FKBP4: variants seen among roughly 807,000 people sequenced by gnomAD.
FKBP4 encodes the protein FKBP prolyl isomerase 4.
Under a neutral mutation model 54.1 loss-of-function variants are expected in FKBP4, and 28 were observed. The ratio of observed to expected loss-of-function variants is 0.52; its 90% CI spans 0.38 to 0.71. The LOEUF (loss-of-function observed/expected upper bound fraction) is 0.71. Ranked by LOEUF, FKBP4 falls within the 30% of genes least tolerant of loss-of-function variation. The pLI is 0.00. For synonymous variants in FKBP4, 223 were observed against 216.1 expected, an observed-to-expected ratio of 1.03 and a Z score of -0.28; for missense variants, 493 against 574.4, an observed-to-expected ratio of 0.86 and a Z score of 1.45.
At chr12:2,803,114 G>A in intron 9 of FKBP4, 37 bp from the exon 10 acceptor site, 1 of 1,425,738 alleles carries the variant, frequency 7.0e-7, no homozygotes, top group African/African-American at 1.4e-5. Context: ...TTTTTCACTT[G>A]GGAAGTCAGC....
Position 2,798,783 on chromosome 12 carries a change from C to T in FKBP4, c.471C>T (p.Arg157=), listed in dbSNP as rs776356873. 8.7e-6 allele frequency: 14 copies of T among 1,614,124 alleles called. No individual in the cohort carries two copies. In the Admixed American group the frequency reaches 1.0e-4, roughly 12 times the overall value. ...DGGIIRRIQT[R]GEGYAKPNEG... ...GAATCATTCGCAGAATACAGACTCG[C>T]GGTGAAGGCTATGCTAAGCCCAATG... The change falls in exon 4 of 10, where the codon CGC becomes CGT. Residue 157 remains arginine, a synonymous_variant. Transcript: ENST00000001008. The surrounding 1 kb of genome is among the most constrained non-coding windows in gnomAD (Gnocchi z 4.3).
chr12:2,798,962 T>C lies in FKBP4; in HGVS notation c.515-126T>C. 1 of 1,392,240 alleles carries C rather than the reference T, an allele frequency of 7.2e-7. No homozygotes were observed. 86.2% of individuals were successfully genotyped at this position (1,392,240 alleles called of 1,614,324 possible). A position where few individuals can be genotyped will look rare whatever the true frequency, so the allele number is the denominator to read the frequency against. The stretch of plus-strand genomic sequence containing the variant: ...GGGGTTGGACCATATTCTCTTCATA[T>C]CACTCCAGATTTGAGAACACAGGAG... On this transcript the variant is annotated intron_variant, in intron 4 of 9. Coordinates refer to ENST00000001008, the MANE Select transcript of FKBP4 (RefSeq NM_002014.4). The surrounding 1 kb of genome is among the most constrained non-coding windows in gnomAD (Gnocchi z 4.3).
rs2097905906 is a variant in FKBP4, at chr12:2,803,341, A to C, written c.*83A>C. ...CCTGTTAGTTTTGTAAAAACTGAAG[A>C]ATTTTGAGTGAATTAGACCTTTATT... On this transcript the variant is annotated 3_prime_UTR_variant, in exon 10 of 10. Coordinates refer to ENST00000001008, the MANE Select transcript of FKBP4 (RefSeq NM_002014.4). 1.0e-6 allele frequency: 1 copy of C among 969,200 alleles called. No homozygotes were observed. Among genetic ancestry groups the C allele is most frequent in the Admixed American group, 2.1e-5 (1 of 47,356 alleles). 60.0% of individuals were successfully genotyped at this position (969,200 alleles called of 1,614,324 possible).
At chr12:2,797,405 C>A in intron 2 of FKBP4, 123 bp downstream of exon 2, 3 of 1,123,034 alleles carry the variant, frequency 2.7e-6, no homozygotes, top group Non-Finnish European at 2.5e-6. Context: ...TTAACTCTTT[C>A]GGTCACTCTT....
chr12:2,796,656 C>T (rs2097902029), intron 1 of FKBP4: 1 of 1,105,836 alleles, frequency 9.0e-7, no homozygotes. Context: ...TCTCTTCACT[C>T]ATACTCCTCT....
intron 1 of FKBP4, chr12:2,796,119 T>G: frequency 8.2e-7 from 1 of 1,220,252 alleles, no homozygotes; most frequent in Non-Finnish European, 1.0e-6. Context: ...GAATCAGAGA[T>G]GGTGAATTCC....
rs1248920061 is a variant in FKBP4, at chr12:2,803,600, C to G, written c.*342C>G. ...GTAGGGATGAGGTCTGATAAGAACC[C>G]AGGGTGGAGAGGGAGACTCCTGGGC... is the stretch of plus-strand genomic sequence containing the variant. On this transcript the variant is annotated 3_prime_UTR_variant, in exon 10 of 10. Transcript: ENST00000001008. 1.5e-5 allele frequency: 3 copies of G among 204,842 alleles called. No homozygotes were observed. Among genetic ancestry groups the G allele is most frequent in the African/African-American group, 4.5e-5 (2 of 44,186 alleles). The allele number at this position is 204,842 out of a possible 1,614,324, so 12.7% of individuals were successfully genotyped here.
rs1334529052 is a variant in FKBP4, at chr12:2,798,222, G to C, written c.393+351G>C. Among the ~76,000 whole-genome samples the C allele has an allele frequency of 6.6e-6, 1 of 152,214 alleles. No homozygotes were observed. Among genetic ancestry groups the C allele is most frequent in the Non-Finnish European group, 1.5e-5 (1 of 68,042 alleles). On this transcript the variant is annotated intron_variant, in intron 3 of 9. Transcript: ENST00000001008. This position sits in a 1 kb window ranked among gnomAD's most constrained non-coding sequence, Gnocchi z 4.3. Reference sequence around the variant, plus strand: ...CAGAATATTGGTGCTCTAGAGACCAGAAGAGGGAGCAGTAGCTCCCCTGTG... The same window carrying C: ...CAGAATATTGGTGCTCTAGAGACCACAAGAGGGAGCAGTAGCTCCCCTGTG...
At position 2,805,230 on chromosome 12, in the gene FKBP4, T is replaced by C. The variant is rs1241383048; in HGVS notation, c.*1972T>C. On this transcript the variant is annotated 3_prime_UTR_variant, in exon 10 of 10. Transcript: ENST00000001008. ...GAGGTCTCTGAACTAATCCAGACTCTCCCATGAGGTTCCTTTGGCAAGTCC... is the reference window on the plus strand; with the variant it reads ...GAGGTCTCTGAACTAATCCAGACTCCCCCATGAGGTTCCTTTGGCAAGTCC... The C allele has an allele frequency of 2.2e-6, 1 of 453,890 alleles. No individual in the cohort carries two copies. Among genetic ancestry groups the C allele is most frequent in the East Asian group, 7.0e-5 (1 of 14,352 alleles). The allele number at this position is 453,890 out of a possible 1,614,324, so 28.1% of individuals were successfully genotyped here. A position where few individuals can be genotyped will look rare whatever the true frequency, so the allele number is the denominator to read the frequency against.
At chr12:2,801,878 G>T in intron 9 of FKBP4, 1 of 271,494 alleles carries the variant, frequency 3.7e-6, no homozygotes, top group Middle Eastern at 8.0e-4. Flanking sequence ...GCCCCTTCAG[G>T]GTCTTGGATG....
At chr12:2,802,992 T>C (rs1048489598) in intron 9 of FKBP4, among the ~76,000 whole-genome samples, 159 bp from the exon 10 acceptor site, 2 of 152,220 alleles carry the variant, frequency 1.3e-5, no homozygotes, top group Admixed American at 6.5e-5. Context: ...CCTCCCAAAG[T>C]GCTGGGATTA....
At chr12:2,796,192 T>C in intron 1 of FKBP4, 1 of 1,286,182 alleles carries the variant, frequency 7.8e-7, no homozygotes, top group Non-Finnish European at 1.0e-6. Flanking sequence ...TTCCCACCGC[T>C]GAGCTCCGCG....
chr12:2,799,479 T>C (rs2097903616), intron 5 of FKBP4, among the ~76,000 whole-genome samples: 1 of 152,190 alleles, frequency 6.6e-6, no homozygotes, highest in South Asian at 2.1e-4. Flanking sequence ...CCATCAAGAT[T>C]TTCCTCTCCC....
chr12:2,799,820 GATGATAC>G (rs776126605), intron 5 of FKBP4, 23 bp from the exon 6 acceptor site: 2 of 1,593,034 alleles, frequency 1.3e-6, no homozygotes, highest in African/African-American at 2.7e-5. Flanking sequence ...GTGTTGCCAA[GATGATAC>G]ATAGTGTTTT....
intron 1 of FKBP4, chr12:2,796,181 C>T (rs2097901735): frequency 7.8e-7 from 1 of 1,281,570 alleles, no homozygotes; most frequent in Non-Finnish European, 1.0e-6. Flanking sequence ...CTCATCCTGG[C>T]TTCCCACCGC....
At position 2,804,908 on chromosome 12, in the gene FKBP4, ATC is replaced by A. The variant is rs759531462; in HGVS notation, c.*1654_*1655del. On this transcript the variant is annotated 3_prime_UTR_variant, in exon 10 of 10. Coordinates refer to ENST00000001008, the MANE Select transcript of FKBP4 (RefSeq NM_002014.4). ...CCAGCCTGGGCAAGAGAGTGAGACC[ATC>A]TCTTTTTTAAAAAAGTCCCTGTGTA... 1.3e-5 allele frequency: 3 copies of A among 225,742 alleles called. No individual in the cohort carries two copies. The highest frequency in any genetic ancestry group is 2.3e-5 in the African/African-American group (1 of 42,662). 14.0% of individuals were successfully genotyped at this position (225,742 alleles called of 1,614,324 possible).
Position 2,798,634 on chromosome 12 carries a change from G to C in FKBP4, c.394-72G>C. Reference sequence around the variant, plus strand: ...CCTGGCAGTTAGTAGGGACTCTCTCGGATGAGAAAGATTGTGTTTCACTGC... The same window carrying C: ...CCTGGCAGTTAGTAGGGACTCTCTCCGATGAGAAAGATTGTGTTTCACTGC... On this transcript the variant is annotated intron_variant, in intron 3 of 9. Coordinates refer to ENST00000001008, the MANE Select transcript of FKBP4 (RefSeq NM_002014.4). The surrounding 1 kb of genome is among the most constrained non-coding windows in gnomAD (Gnocchi z 4.3). 1.2e-6 allele frequency: 2 copies of C among 1,605,786 alleles called. No individual in the cohort carries two copies. The highest frequency in any genetic ancestry group is 2.2e-5 in the South Asian group (2 of 90,256).
chr12:2,797,361 C>G, intron 2 of FKBP4, 79 bp downstream of exon 2: 1 of 1,538,502 alleles, frequency 6.5e-7, no homozygotes. Context: ...TTTCTCAGGA[C>G]CAAGCTCAGG....
intron 9 of FKBP4, 53 bp from the exon 10 acceptor site, chr12:2,803,098 G>A: frequency 8.1e-7 from 1 of 1,234,290 alleles, no homozygotes; most frequent in Non-Finnish European, 1.2e-6. Flanking sequence ...GAAATTAAGT[G>A]TGTGTTTTTT....
Sources: gnomAD v4.1 joint callset for allele counts (sites outside exome capture counted in the v4.1 genomes callset) on GRCh38, gnomAD v4.1.1 for gene constraint, Gnocchi (gnomAD v3.1) non-coding constraint, MANE v1.5 for transcripts, NCBI Gene and HGNC (gene_info 2026-07-23, HGNC 2026-07-21) for gene names.